The following NR5A2 variants were observed in gnomAD, a reference collection of about 807,000 sequenced individuals.
NR5A2 encodes CYP7A promoter-binding factor.
In NR5A2, 26 loss-of-function variants were observed where a neutral mutation model predicts 62.7. The ratio of observed to expected loss-of-function variants is 0.41; its 90% confidence interval spans 0.30 to 0.58. NR5A2 has a LOEUF of 0.58. Among genes scored for constraint, NR5A2 ranks in the 20% least tolerant of loss-of-function variants. NR5A2 has a pLI of 0.22. For missense variants in NR5A2, 541 were observed against 669.1 expected (o/e 0.81, Z 2.11); for synonymous variants, 246 against 241.7 (o/e 1.02, Z -0.16).
Position 200,043,845 on chromosome 1 carries a change from A to G in NR5A2, c.274A>G (p.Lys92Glu), listed in dbSNP as rs149536740. Residue 92 changes from lysine (K) to glutamate (E), a missense_variant, in exon 3 of 8, where the codon AAA (lysine) becomes GAA (glutamate). Transcript: ENST00000367362. The stretch of plus-strand genomic sequence containing the variant: ...AGAGCTTTGTCCCGTGTGTGGAGAT[A>G]AAGTGTCTGGGTACCATTATGGGCT... ...LEELCPVCGDKVSGYHYGLLT... is the reference protein window; with the variant it reads ...LEELCPVCGDEVSGYHYGLLT... The G allele has an allele frequency of 6.2e-7, 1 of 1,613,930 alleles. No individual in the cohort carries two copies. The highest frequency in any genetic ancestry group is 8.5e-7 in the Non-Finnish European group (1 of 1,179,870).
intron 5 of NR5A2, among the ~76,000 whole-genome samples, chr1:200,054,528 C>T (rs193210835): frequency 6.6e-5 from 10 of 152,086 alleles, no homozygotes; most frequent in Admixed American, 4.6e-4. Flanking sequence ...AACTTCCCCT[C>T]GGTGAATGAT....
chr1:200,097,705 G>A (rs1665163723), intron 5 of NR5A2, among the ~76,000 whole-genome samples: 2 of 152,206 alleles, frequency 1.3e-5, no homozygotes, highest in South Asian at 4.1e-4. Flanking sequence ...CAGAGTCCTT[G>A]CCTCATGGGG....
chr1:200,033,812 C>T (rs554416770), intron 1 of NR5A2, among the ~76,000 whole-genome samples: 19 of 152,320 alleles, frequency 1.2e-4, no homozygotes, highest in African/African-American at 4.1e-4. Context: ...TTCCACGCCC[C>T]ATGCTTGAGT....
At chr1:200,090,284 CT>C (rs1228702940) in intron 5 of NR5A2, among the ~76,000 whole-genome samples, 1 of 152,132 alleles carries the variant, frequency 6.6e-6, no homozygotes, top group African/African-American at 2.4e-5. Flanking sequence ...GTTCCCACAC[CT>C]TTTGGTCTCA....
At chr1:200,055,571 C>T (rs1207711045) in intron 5 of NR5A2, among the ~76,000 whole-genome samples, 1 of 152,146 alleles carries the variant, frequency 6.6e-6, no homozygotes, top group African/African-American at 2.4e-5. Flanking sequence ...TGCCATATGG[C>T]TGTTCTTTGC....
intron 7 of NR5A2, among the ~76,000 whole-genome samples, chr1:200,173,158 A>C (rs1654258847): frequency 6.6e-6 from 1 of 152,192 alleles, no homozygotes; most frequent in Non-Finnish European, 1.5e-5. Context: ...GCAGATGTCT[A>C]AAAACAACTG....
chr1:200,095,702 G>A (rs572411560), intron 5 of NR5A2, among the ~76,000 whole-genome samples: 6 of 139,126 alleles, frequency 4.3e-5, no homozygotes, highest in East Asian at 2.1e-4. Context: ...ACAGGCACCC[G>A]CCACCATGCC....
At chr1:200,046,281 T>C (rs1053488144) in intron 4 of NR5A2, among the ~76,000 whole-genome samples, 8 of 152,212 alleles carry the variant, frequency 5.3e-5, no homozygotes, top group African/African-American at 1.9e-4. Context: ...GCAGACCCTA[T>C]ACTACAATGT....
At chr1:200,086,800 C>T (rs922643482) in intron 5 of NR5A2, among the ~76,000 whole-genome samples, 1 of 152,036 alleles carries the variant, frequency 6.6e-6, no homozygotes, top group African/African-American at 2.4e-5. Flanking sequence ...GCACTTTGGG[C>T]GGCCAAGGCG....
At chr1:200,142,194 T>C (rs1349146569) in intron 7 of NR5A2, among the ~76,000 whole-genome samples, 1 of 70,304 alleles carries the variant, frequency 1.4e-5, no homozygotes. Flanking sequence ...ACTTCTTTTT[T>C]TTTTTTTTTT....
chr1:200,084,384 T>C (rs1309466697), intron 5 of NR5A2, among the ~76,000 whole-genome samples: 3 of 152,180 alleles, frequency 2.0e-5, no homozygotes, highest in Admixed American at 2.0e-4. Context: ...ATTATCTTAA[T>C]TGTATTCCTT....
At chr1:200,038,897 G>A (rs1661910753) in intron 1 of NR5A2, 1 of 522,316 alleles carries the variant, frequency 1.9e-6, no homozygotes, top group Non-Finnish European at 2.9e-6. Context: ...TTATTGGCTG[G>A]CGGCTAGTGT....
At chr1:200,162,040 G>A (rs1271716531) in intron 7 of NR5A2, among the ~76,000 whole-genome samples, 2 of 152,226 alleles carry the variant, frequency 1.3e-5, no homozygotes, top group Non-Finnish European at 2.9e-5. Context: ...TTGCAAATAT[G>A]TGGAAGATGT....
intron 7 of NR5A2, among the ~76,000 whole-genome samples, chr1:200,165,200 C>A (rs1229360534): frequency 6.6e-6 from 1 of 151,952 alleles, no homozygotes; most frequent in Non-Finnish European, 1.5e-5. Flanking sequence ...AAGTTCACCA[C>A]AAAATTGAGC....
chr1:200,055,448 G>T (rs145788966), intron 5 of NR5A2, among the ~76,000 whole-genome samples: 1 of 151,938 alleles, frequency 6.6e-6, no homozygotes, highest in East Asian at 1.9e-4. Context: ...CACTAGCCTC[G>T]GCATCCCAAA....
chr1:200,110,766 C>A (rs1162142988), intron 5 of NR5A2, among the ~76,000 whole-genome samples: 1 of 152,094 alleles, frequency 6.6e-6, no homozygotes, highest in Non-Finnish European at 1.5e-5. Context: ...TGGCAGTTTG[C>A]TAATATCTGT....
intron 5 of NR5A2, among the ~76,000 whole-genome samples, chr1:200,081,494 T>C (rs1219661448): frequency 1.3e-5 from 2 of 152,212 alleles, no homozygotes; most frequent in Non-Finnish European, 2.9e-5. Context: ...CCCGCCTGTC[T>C]TCCACATCTG....
intron 5 of NR5A2, among the ~76,000 whole-genome samples, chr1:200,108,226 A>C (rs1201354382): frequency 1.3e-5 from 2 of 151,846 alleles, no homozygotes; most frequent in African/African-American, 4.8e-5. Context: ...CCGGAGTAGC[A>C]GGTGTGTGCC....
At chr1:200,034,915 C>T (rs762561056) in intron 1 of NR5A2, among the ~76,000 whole-genome samples, 11 of 150,240 alleles carry the variant, frequency 7.3e-5, no homozygotes, top group East Asian at 4.0e-4. Flanking sequence ...AAATTTAACC[C>T]GTCTGTTTCT....
Sources: gnomAD v4.1 joint callset for allele counts (sites outside exome capture counted in the v4.1 genomes callset) on GRCh38, gnomAD v4.1.1 for gene constraint, MANE v1.5 for transcripts, NCBI Gene and HGNC (gene_info 2026-07-23, HGNC 2026-07-21) for gene names.